Variants in IDE observed in about 807,000 individuals in gnomAD.
IDE encodes insulin-degrading enzyme.
A neutral mutation model predicts 133.2 loss-of-function variants in IDE; 58 were observed. That is an observed-to-expected ratio of 0.44 (90% CI 0.35 to 0.54). The LOEUF (loss-of-function observed/expected upper bound fraction) is 0.54. Among genes scored for constraint, IDE ranks in the 20% least tolerant of loss-of-function variants. IDE has a pLI of 0.00. For synonymous variants in IDE, 396 were observed against 421.3 expected, an observed-to-expected ratio of 0.94 and a Z score of 0.73; for missense variants, 981 against 1,234.0, an observed-to-expected ratio of 0.79 and a Z score of 3.07.
At chr10:92,466,378 G>A (rs908959790) in intron 19 of IDE, among the ~76,000 whole-genome samples, 3 of 151,954 alleles carry the variant, frequency 2.0e-5, no homozygotes, top group South Asian at 4.2e-4. Context: ...GTGAAGTGGT[G>A]CCATCTCAGC....
At chr10:92,468,848 C>T (rs1193832342) in intron 19 of IDE, 31 bp downstream of exon 19, 7 of 1,147,418 alleles carry the variant, frequency 6.1e-6, no homozygotes, top group Admixed American at 3.4e-5. Flanking sequence ...TCAAAATAGT[C>T]CATTCCCAAA....
intron 21 of IDE, among the ~76,000 whole-genome samples, chr10:92,462,054 G>A (rs1845422269): frequency 6.6e-6 from 1 of 152,054 alleles, no homozygotes; most frequent in Non-Finnish European, 1.5e-5. Flanking sequence ...AGTGGCTCAT[G>A]CCTATAATCC....
chr10:92,488,794 A>C (rs936123972), intron 12 of IDE, among the ~76,000 whole-genome samples: 1 of 151,692 alleles, frequency 6.6e-6, no homozygotes, highest in Non-Finnish European at 1.5e-5. Flanking sequence ...AAAAAGAAAA[A>C]ACAAAGTTGA....
intron 19 of IDE, among the ~76,000 whole-genome samples, chr10:92,467,325 G>A (rs1450223626): frequency 6.6e-6 from 1 of 151,410 alleles, no homozygotes; most frequent in Non-Finnish European, 1.5e-5. Flanking sequence ...TTTTTACCTT[G>A]GCCTCCCAAA....
rs765768051 is a variant in IDE, at chr10:92,465,797, A to G, written c.2367T>C (p.Cys789=). The G allele has an allele frequency of 2.5e-6, 4 of 1,613,920 alleles. No homozygotes were observed. In the African/African-American group the frequency reaches 5.3e-5, roughly 22 times the overall value. ...CTGTTTGGTAGTATATCTCGATGCC[A>G]CAGTTATTGTGAACTTCATTTCTCT... ...YQQRNEVHNN[C]GIEIYYQTDM... is the part of the protein sequence containing the mutation. The change falls in exon 20 of 25, where the codon TGT becomes TGC. Residue 789 remains cysteine, a synonymous_variant. Transcript: ENST00000265986.
At chr10:92,521,900 C>T (rs1174048069) in intron 4 of IDE, among the ~76,000 whole-genome samples, 1 of 151,860 alleles carries the variant, frequency 6.6e-6, no homozygotes, top group Non-Finnish European at 1.5e-5. Flanking sequence ...GAGATATATA[C>T]TGAAATATTT....
At chr10:92,568,483 T>A (rs1338956446) in intron 1 of IDE, among the ~76,000 whole-genome samples, 1 of 152,192 alleles carries the variant, frequency 6.6e-6, no homozygotes, top group East Asian at 1.9e-4. Context: ...TCAAATGTGA[T>A]AAAACTATAA....
intron 14 of IDE, among the ~76,000 whole-genome samples, chr10:92,481,780 C>T (rs1304799085): frequency 6.6e-6 from 1 of 152,152 alleles, no homozygotes; most frequent in Non-Finnish European, 1.5e-5. Context: ...GGGAGGCAGA[C>T]ATTTTCAGTT....
intron 5 of IDE, among the ~76,000 whole-genome samples, chr10:92,512,290 C>A (rs1848671929): frequency 1.3e-5 from 2 of 152,292 alleles, no homozygotes; most frequent in Admixed American, 1.3e-4. Flanking sequence ...ATCTTTTAAT[C>A]CTCCAAGAGA....
chr10:92,538,143 G>C (rs1842113974), intron 1 of IDE, among the ~76,000 whole-genome samples: 1 of 152,146 alleles, frequency 6.6e-6, no homozygotes, highest in Admixed American at 6.6e-5. Context: ...CAATGTGCTA[G>C]GATTACAAGT....
intron 5 of IDE, 135 bp downstream of exon 5, chr10:92,514,785 T>C: frequency 1.5e-6 from 1 of 669,934 alleles, no homozygotes; most frequent in Non-Finnish European, 2.4e-6. Flanking sequence ...ATGTATTCTC[T>C]AACAAGTAGA....
intron 1 of IDE, among the ~76,000 whole-genome samples, chr10:92,573,672 C>T (rs1323597428): frequency 1.3e-5 from 2 of 152,326 alleles, no homozygotes; most frequent in East Asian, 3.9e-4. Context: ...CCCCGGGTAG[C>T]GGCCCCGGCC....
At chr10:92,512,202 CTT>C (rs1848668056) in intron 5 of IDE, among the ~76,000 whole-genome samples, 1 of 152,144 alleles carries the variant, frequency 6.6e-6, no homozygotes, top group African/African-American at 2.4e-5. Flanking sequence ...AACAGAAAAA[CTT>C]TTTGTTCCCT....
At chr10:92,511,108 T>TC (rs1466538015) in intron 5 of IDE, among the ~76,000 whole-genome samples, 3 of 149,316 alleles carry the variant, frequency 2.0e-5, no homozygotes, top group African/African-American at 7.4e-5. Context: ...AAAACTTTTT[T>TC]TTTTTTTTTT....
intron 1 of IDE, among the ~76,000 whole-genome samples, chr10:92,544,337 C>T (rs1035518232): frequency 6.6e-6 from 1 of 151,976 alleles, no homozygotes; most frequent in Non-Finnish European, 1.5e-5. Flanking sequence ...TCATTTAATC[C>T]TTCCATTCTC....
At chr10:92,483,456 T>G in intron 13 of IDE, 119 bp from the exon 14 acceptor site, 2 of 639,304 alleles carry the variant, frequency 3.1e-6, no homozygotes, top group Non-Finnish European at 5.6e-6. Flanking sequence ...GTTCTGGAGT[T>G]GCTGTCCCAT....
chr10:92,477,653 C>T (rs7073248), intron 15 of IDE, among the ~76,000 whole-genome samples: 129,453 of 152,260 alleles, frequency 0.85, 55,260 homozygotes, highest in East Asian at 0.92. Context: ...CCACTGGCCA[C>T]GGCAAGCACA....
At chr10:92,548,179 G>A (rs1319163994) in intron 1 of IDE, among the ~76,000 whole-genome samples, 2 of 151,846 alleles carry the variant, frequency 1.3e-5, no homozygotes, top group Non-Finnish European at 2.9e-5. Flanking sequence ...GACCAACGTC[G>A]AGAAACTCCA....
chr10:92,536,397 AAAAAG>A (rs1354606711), intron 2 of IDE, among the ~76,000 whole-genome samples: 2 of 149,020 alleles, frequency 1.3e-5, no homozygotes, highest in Non-Finnish European at 1.5e-5. Context: ...AAAAAAAAAA[AAAAAG>A]AAATGTGCAC....
Sources: allele counts gnomAD v4.1 joint callset (sites outside exome capture counted in the v4.1 genomes callset), GRCh38; gene constraint gnomAD v4.1.1; transcripts MANE v1.5; gene names NCBI Gene and HGNC (gene_info 2026-07-23, HGNC 2026-07-21).